Variants in ATG4A observed in about 807,000 individuals in gnomAD.
The protein encoded by ATG4A is cysteine protease ATG4A.
Under a neutral mutation model 38.4 loss-of-function variants are expected in ATG4A, and 22 were observed. The observed-to-expected ratio is 0.57, with a 90% CI of 0.41 to 0.82. ATG4A has a LOEUF of 0.82. ATG4A is among the 40% of genes least tolerant of loss of function. The probability of loss-of-function intolerance (pLI) is 0.00; values close to 1 mark genes in which losing one functional copy is unlikely to be tolerated. For missense variants in ATG4A, 220 were observed against 290.0 expected (o/e 0.76, Z 1.75); for synonymous variants, 86 against 100.7 (o/e 0.85, Z 0.88).
intron 1 of ATG4A, among the ~76,000 whole-genome samples, chrX:108,092,272 G>A (rs1373390141): frequency 1.8e-5 from 2 of 112,048 alleles, no homozygotes; most frequent in African/African-American, 6.5e-5. Context: ...TCCATAGCCT[G>A]GTGACATCAC....
intron 1 of ATG4A, among the ~76,000 whole-genome samples, chrX:108,124,557 C>T (rs1344806115): frequency 2.7e-5 from 3 of 109,841 alleles, no homozygotes; most frequent in Admixed American, 9.7e-5. Context: ...GTTCAAGCGA[C>T]TCTCCTGCTT....
chrX:108,145,873 TG>T, intron 9 of ATG4A, among the ~76,000 whole-genome samples: 1 of 111,743 alleles, frequency 8.9e-6, no homozygotes, highest in Non-Finnish European at 1.9e-5. Flanking sequence ...GGGGACCCAC[TG>T]GGCCCATTGT....
chrX:108,089,144 A>G (rs982567651), upstream of ATG4A, among the ~76,000 whole-genome samples: 5 of 112,672 alleles, frequency 4.4e-5, no homozygotes, highest in Non-Finnish European at 9.4e-5. Flanking sequence ...TGGTTGTTTT[A>G]CTATTACATT....
chrX:108,151,011 T>G (rs1769277935), intron 10 of ATG4A, among the ~76,000 whole-genome samples: 1 of 112,463 alleles, frequency 8.9e-6, no homozygotes, highest in Admixed American at 9.4e-5. Context: ...AAGCATTCTA[T>G]AAATGTTAGT....
At position 108,094,289 on chromosome X, in the gene ATG4A, A is replaced by C. The variant is rs778383589; in HGVS notation, c.10+2453A>C. 3.6e-5 allele frequency among the ~76,000 whole-genome samples: 4 copies of C among 111,900 alleles called. No individual in the cohort carries two copies. The East Asian group carries it at 1.1e-3, about 31-fold the overall frequency. ...TCTAAATTCATCTTTTTGCATGTGG[A>C]TGTAGAAATTGTCCTAGCACCATTT... On this transcript the variant is annotated intron_variant, in intron 1 of 12. Coordinates refer to ENST00000372232, the MANE Select transcript of ATG4A (RefSeq NM_052936.5).
chrX:108,129,249 ATT>A (rs1454319029), intron 3 of ATG4A, among the ~76,000 whole-genome samples: 1 of 112,334 alleles, frequency 8.9e-6, no homozygotes, highest in Non-Finnish European at 1.9e-5. Context: ...AAAATAATTT[ATT>A]TGTTTTTTTT....
At chrX:108,089,516 CAAG>C (rs1378380019), upstream of ATG4A, among the ~76,000 whole-genome samples, 1 of 112,078 alleles carries the variant, frequency 8.9e-6, no homozygotes, top group Non-Finnish European at 1.9e-5. Context: ...ACACAGAAAA[CAAG>C]AAAATTACTT....
At chrX:108,109,200 T>G (rs1202399951) in intron 1 of ATG4A, among the ~76,000 whole-genome samples, 1 of 112,188 alleles carries the variant, frequency 8.9e-6, no homozygotes, top group Non-Finnish European at 1.9e-5. Context: ...CTAATGGGTG[T>G]GAGGTGAAAT....
chrX:108,097,576 C>G (rs1164892008), intron 1 of ATG4A, among the ~76,000 whole-genome samples: 2 of 112,118 alleles, frequency 1.8e-5, no homozygotes, highest in Non-Finnish European at 3.8e-5. Context: ...TTTTGTGTGA[C>G]TCATTATTAA....
intron 4 of ATG4A, among the ~76,000 whole-genome samples, chrX:108,133,404 G>A (rs1376422958): frequency 8.9e-6 from 1 of 112,461 alleles, no homozygotes; most frequent in Non-Finnish European, 1.9e-5. Flanking sequence ...GATGGTATCC[G>A]TACAGATGCA....
chrX:108,096,936 A>G (rs987181131), intron 1 of ATG4A, among the ~76,000 whole-genome samples: 3 of 111,042 alleles, frequency 2.7e-5, no homozygotes, highest in African/African-American at 9.8e-5. Context: ...TTCTGCTCTT[A>G]TGATTGAACG....
chrX:108,152,561 C>T (rs1448328686), intron 11 of ATG4A, among the ~76,000 whole-genome samples: 2 of 111,857 alleles, frequency 1.8e-5, no homozygotes, highest in African/African-American at 6.5e-5. Context: ...AGGATATATA[C>T]CATACATGTT....
intron 1 of ATG4A, among the ~76,000 whole-genome samples, chrX:108,094,710 C>T (rs947085280): frequency 8.9e-6 from 1 of 112,080 alleles, no homozygotes; most frequent in Admixed American, 9.4e-5. Context: ...ATATTCATTG[C>T]GTGGAATAGA....
At chrX:108,091,940 A>G (rs2031641553) in intron 1 of ATG4A, 104 bp downstream of exon 1, 1 of 1,130,346 alleles carries the variant, frequency 8.8e-7, no homozygotes, top group African/African-American at 1.8e-5. Context: ...GGGCAGGGCA[A>G]GAGTTATGAG....
At chrX:108,093,270 T>C (rs991596647) in intron 1 of ATG4A, among the ~76,000 whole-genome samples, 1 of 112,212 alleles carries the variant, frequency 8.9e-6, no homozygotes, top group Non-Finnish European at 1.9e-5. Context: ...TTTTTGTTTC[T>C]ATAAATTTGC....
chrX:108,107,669 TG>T (rs2032222331), intron 1 of ATG4A, among the ~76,000 whole-genome samples: 2 of 111,529 alleles, frequency 1.8e-5, no homozygotes, highest in South Asian at 7.7e-4. Flanking sequence ...ACCATTCTGG[TG>T]GGGGAATGGG....
At chrX:108,135,693 C>T (rs1392960706) in intron 6 of ATG4A, among the ~76,000 whole-genome samples, 1 of 111,407 alleles carries the variant, frequency 9.0e-6, no homozygotes, top group African/African-American at 3.3e-5. Flanking sequence ...GCCCAAAACT[C>T]GGCTTGAAAT....
At chrX:108,127,682 C>T (rs756234582) in intron 2 of ATG4A, among the ~76,000 whole-genome samples, 5 of 112,212 alleles carry the variant, frequency 4.5e-5, no homozygotes, top group East Asian at 5.6e-4. Flanking sequence ...CTCAACTTTC[C>T]GATTTGCTCC....
intron 1 of ATG4A, among the ~76,000 whole-genome samples, chrX:108,109,017 ACAT>A (rs1469738444): frequency 1.8e-4 from 20 of 112,162 alleles, no homozygotes; most frequent in African/African-American, 6.5e-4. Flanking sequence ...ACTTTTGGAT[ACAT>A]ATCTGGAAGT....
Sources: gnomAD v4.1 joint callset for allele counts (sites outside exome capture counted in the v4.1 genomes callset) on GRCh38, gnomAD v4.1.1 for gene constraint, MANE v1.5 for transcripts, NCBI Gene and HGNC (gene_info 2026-07-23, HGNC 2026-07-21) for gene names.